The following RABGAP1 variants were observed in gnomAD, a reference collection of about 807,000 sequenced individuals.
RABGAP1 encodes RAB GTPase activating protein 1.
In RABGAP1, 23 loss-of-function variants were observed where a neutral mutation model predicts 137.6. The ratio of observed to expected loss-of-function variants is 0.17; its 90% confidence interval spans 0.12 to 0.24. The LOEUF is 0.24. Among genes scored for constraint, RABGAP1 ranks in the 10% least tolerant of loss-of-function variants. RABGAP1 has a pLI of 1.00. For synonymous variants in RABGAP1, 451 were observed against 450.7 expected, an observed-to-expected ratio of 1.00 and a Z score of -0.01; for missense variants, 906 against 1,275.8, an observed-to-expected ratio of 0.71 and a Z score of 4.42.
chr9:123,061,407 G>A (rs1360653642), intron 13 of RABGAP1, among the ~76,000 whole-genome samples: 3 of 152,168 alleles, frequency 2.0e-5, no homozygotes, highest in East Asian at 1.9e-4. Context: ...GAGCTACTGC[G>A]CCTGGCATGC....
At chr9:123,062,767 A>G (rs1021419587) in intron 13 of RABGAP1, 1 of 151,576 alleles carries the variant, frequency 6.6e-6, no homozygotes, top group African/African-American at 2.4e-5. Context: ...GTACAGTTGA[A>G]TTTCTAAATC....
intron 13 of RABGAP1, among the ~76,000 whole-genome samples, chr9:123,042,481 A>T (rs2032999175): frequency 6.6e-6 from 1 of 152,240 alleles, no homozygotes; most frequent in Non-Finnish European, 1.5e-5. Flanking sequence ...TGTAACTAAC[A>T]TTCTCAGAGA....
chr9:122,942,363 A>G (rs1049927723), intron 1 of RABGAP1, among the ~76,000 whole-genome samples: 3 of 152,184 alleles, frequency 2.0e-5, no homozygotes, highest in Admixed American at 2.0e-4. Flanking sequence ...TGAAGACTTA[A>G]CTAGAGCTTA....
At chr9:123,020,593 C>G in intron 13 of RABGAP1, 134 bp downstream of exon 13, 1 of 954,566 alleles carries the variant, frequency 1.0e-6, no homozygotes, top group East Asian at 3.3e-5. Context: ...ATACTTCCAG[C>G]TCTAACATGT....
intron 1 of RABGAP1, among the ~76,000 whole-genome samples, chr9:122,948,467 C>T (rs1201222198): frequency 6.6e-6 from 1 of 152,178 alleles, no homozygotes; most frequent in Non-Finnish European, 1.5e-5. Context: ...GTCATATGAA[C>T]TTAATACCCA....
At chr9:122,968,055 G>A (rs1835263995) in intron 2 of RABGAP1, among the ~76,000 whole-genome samples, 1 of 151,790 alleles carries the variant, frequency 6.6e-6, no homozygotes, top group Admixed American at 6.6e-5. Context: ...ATTTTTGTGG[G>A]TACATAGTAG....
intron 6 of RABGAP1, chr9:122,990,514 A>C: frequency 5.6e-6 from 1 of 177,602 alleles, no homozygotes; most frequent in South Asian, 1.1e-4. Context: ...TCACACCTGT[A>C]ATCCCAGCTC....
At chr9:123,085,041 A>G (rs1588396376) in intron 19 of RABGAP1, among the ~76,000 whole-genome samples, 1 of 152,220 alleles carries the variant, frequency 6.6e-6, no homozygotes, top group African/African-American at 2.4e-5. Flanking sequence ...TGTCTGTTCC[A>G]GGGGCTGATC....
At chr9:123,002,700 T>C (rs866507906) in intron 10 of RABGAP1, among the ~76,000 whole-genome samples, 2 of 77,482 alleles carry the variant, frequency 2.6e-5, no homozygotes, top group Non-Finnish European at 5.8e-5. Flanking sequence ...TGTAAAACTT[T>C]TAAAATATTA....
intron 1 of RABGAP1, among the ~76,000 whole-genome samples, chr9:122,944,488 C>A (rs1450264561): frequency 6.6e-6 from 1 of 152,018 alleles, no homozygotes; most frequent in Non-Finnish European, 1.5e-5. Flanking sequence ...CTCTGGCCTC[C>A]CAACGTGACA....
chr9:122,999,658 G>C (rs1229669493), intron 10 of RABGAP1, among the ~76,000 whole-genome samples: 1 of 151,544 alleles, frequency 6.6e-6, no homozygotes, highest in Non-Finnish European at 1.5e-5. Flanking sequence ...TATCCTGCTT[G>C]GGATTTGTTG....
chr9:123,044,839 A>C (rs1401861618), intron 13 of RABGAP1, among the ~76,000 whole-genome samples: 1 of 152,170 alleles, frequency 6.6e-6, no homozygotes, highest in African/African-American at 2.4e-5. Flanking sequence ...GAATTCCTAT[A>C]GTCTGATTCC....
intron 2 of RABGAP1, among the ~76,000 whole-genome samples, chr9:122,978,148 A>G (rs1564373638): frequency 6.6e-6 from 1 of 152,222 alleles, no homozygotes. Flanking sequence ...TATTACTCCC[A>G]AAAGTCCCCT....
intron 17 of RABGAP1, 44 bp from the exon 18 acceptor site, chr9:123,076,201 A>C (rs1174137452): frequency 1.3e-6 from 2 of 1,576,898 alleles, no homozygotes; most frequent in South Asian, 2.3e-5. Flanking sequence ...ATAATAGTCG[A>C]GATATAAAAA....
intron 1 of RABGAP1, among the ~76,000 whole-genome samples, chr9:122,947,386 TC>T (rs908409698): frequency 6.6e-6 from 1 of 152,140 alleles, no homozygotes; most frequent in Non-Finnish European, 1.5e-5. Context: ...AAGGAAATGT[TC>T]CAAGGATAGA....
At chr9:123,045,038 T>C (rs1174659067) in intron 13 of RABGAP1, among the ~76,000 whole-genome samples, 1 of 152,228 alleles carries the variant, frequency 6.6e-6, no homozygotes, top group East Asian at 1.9e-4. Flanking sequence ...ATTATTATGA[T>C]TGTAGTTACT....
chr9:123,096,409 C>CAGGACAAAGGGTATTACCG (rs1020704336), intron 21 of RABGAP1, among the ~76,000 whole-genome samples: 2 of 150,984 alleles, frequency 1.3e-5, no homozygotes, highest in African/African-American at 4.9e-5. Context: ...AAGTAGATTT[C>CAGGACAAAGGGTATTACCG]AGGACAAAGG....
chr9:123,020,038 C>CT (rs1214217042), intron 12 of RABGAP1, among the ~76,000 whole-genome samples: 42 of 142,778 alleles, frequency 2.9e-4, no homozygotes, highest in East Asian at 2.7e-3. Flanking sequence ...TCCAGTTTTG[C>CT]TTTTTTTTTT....
intron 13 of RABGAP1, among the ~76,000 whole-genome samples, chr9:123,048,576 T>TTA (rs2033323450): frequency 6.6e-6 from 1 of 152,210 alleles, no homozygotes. Flanking sequence ...AAGAGAGCAT[T>TTA]TGATATGCAG....
Sources: allele counts gnomAD v4.1 joint callset (sites outside exome capture counted in the v4.1 genomes callset), GRCh38; gene constraint gnomAD v4.1.1; transcripts MANE v1.5; gene names NCBI Gene and HGNC (gene_info 2026-07-23, HGNC 2026-07-21).